The following LY96 variants were observed in gnomAD, a reference collection of about 807,000 sequenced individuals.
LY96 encodes lymphocyte antigen 96, also known as myeloid differentiation protein-2.
In LY96, 18 loss-of-function variants were observed where a neutral mutation model predicts 18.9. The observed-to-expected ratio is 0.95, with a 90% CI of 0.66 to 1.41. LY96 has a LOEUF of 1.41. Ranked by LOEUF, LY96 falls within the 40% of genes most tolerant of loss-of-function variation. The pLI is 0.00. For synonymous variants in LY96, 66 were observed against 62.6 expected (o/e 1.06, Z -0.26); for missense variants, 175 against 182.4 (o/e 0.96, Z 0.23).
intron 3 of LY96, among the ~76,000 whole-genome samples, chr8:74,018,604 A>G (rs1038671154): frequency 6.6e-6 from 1 of 152,202 alleles, no homozygotes; most frequent in African/African-American, 2.4e-5. Flanking sequence ...CTCCACCCCA[A>G]ATCAACAGAA....
chr8:74,060,086 G>A, the LY96 span, among the ~76,000 whole-genome samples: 1 of 152,224 alleles, frequency 6.6e-6, no homozygotes, highest in Admixed American at 6.5e-5. Flanking sequence ...GGCAGAGGTT[G>A]CAGTGAGCCA....
chr8:74,079,265 TGGG>T, the LY96 span, among the ~76,000 whole-genome samples: 1 of 152,248 alleles, frequency 6.6e-6, no homozygotes, highest in Non-Finnish European at 1.5e-5. Flanking sequence ...TCAGCTTTCC[TGGG>T]CCTTCAGCTT....
At chr8:74,019,960 T>A (rs2131278402) in intron 3 of LY96, among the ~76,000 whole-genome samples, 1 of 152,266 alleles carries the variant, frequency 6.6e-6, no homozygotes, top group South Asian at 2.1e-4. Context: ...CCACAGCCAA[T>A]ATCATACTGA....
chr8:74,051,934 T>C, the LY96 span, among the ~76,000 whole-genome samples: 2 of 152,182 alleles, frequency 1.3e-5, no homozygotes, highest in Non-Finnish European at 1.5e-5. Flanking sequence ...ATTCAAATTA[T>C]TGAATTTTCA....
the LY96 span, among the ~76,000 whole-genome samples, chr8:74,055,403 T>A: frequency 6.6e-6 from 1 of 152,182 alleles, no homozygotes; most frequent in African/African-American, 2.4e-5. Context: ...GCAAGTTATT[T>A]AAGCTTTTTT....
At chr8:74,053,670 T>G in the LY96 span, among the ~76,000 whole-genome samples, 6 of 152,252 alleles carry the variant, frequency 3.9e-5, no homozygotes, top group Non-Finnish European at 8.8e-5. Context: ...TGTTCAGTTG[T>G]AAGTAACACA....
At chr8:74,094,765 A>G in the LY96 span, among the ~76,000 whole-genome samples, 256 of 152,340 alleles carry the variant, frequency 1.7e-3, 3 homozygotes, top group African/African-American at 5.5e-3. Flanking sequence ...GCAATTGGTA[A>G]TTGCTAATGA....
intron 1 of LY96, among the ~76,000 whole-genome samples, chr8:73,999,619 C>A (rs1816222629): frequency 1.3e-5 from 2 of 152,162 alleles, no homozygotes; most frequent in Admixed American, 1.3e-4. Flanking sequence ...ATTTTATATC[C>A]TGCAATTTTG....
chr8:74,094,776 G>T, the LY96 span, among the ~76,000 whole-genome samples: 2 of 152,184 alleles, frequency 1.3e-5, no homozygotes, highest in Non-Finnish European at 2.9e-5. Flanking sequence ...TTGCTAATGA[G>T]TTAGAAGTTA....
the LY96 span, among the ~76,000 whole-genome samples, chr8:74,070,023 C>T: frequency 6.6e-6 from 1 of 152,136 alleles, no homozygotes; most frequent in African/African-American, 2.4e-5. Context: ...GTAGGGCTGG[C>T]TGGCTCTCCT....
At chr8:74,030,023 C>A (rs1816944155), downstream of LY96, among the ~76,000 whole-genome samples, 1 of 152,160 alleles carries the variant, frequency 6.6e-6, no homozygotes, top group South Asian at 2.1e-4. Context: ...ACTAATACAG[C>A]AGTGTTGACC....
chr8:74,076,673 C>T, the LY96 span, among the ~76,000 whole-genome samples: 1 of 151,926 alleles, frequency 6.6e-6, no homozygotes, highest in African/African-American at 2.4e-5. Flanking sequence ...GACTGGGTAT[C>T]CAATGATAGT....
intron 3 of LY96, among the ~76,000 whole-genome samples, chr8:74,024,661 G>A (rs1816831406): frequency 6.6e-6 from 1 of 152,072 alleles, no homozygotes; most frequent in South Asian, 2.1e-4. Context: ...ACCAAGTAGA[G>A]GAGCTGGGAT....
chr8:74,020,430 A>G (rs544120136), intron 3 of LY96, among the ~76,000 whole-genome samples: 8 of 152,336 alleles, frequency 5.3e-5, no homozygotes, highest in African/African-American at 1.9e-4. Flanking sequence ...GGACACAAAC[A>G]AATGGAAGAA....
At chr8:74,086,193 C>T in the LY96 span, among the ~76,000 whole-genome samples, 2 of 152,186 alleles carry the variant, frequency 1.3e-5, no homozygotes, top group African/African-American at 2.4e-5. Flanking sequence ...GTCACTCAAT[C>T]GGAGTCATTC....
the LY96 span, among the ~76,000 whole-genome samples, chr8:74,088,060 A>G: frequency 3.1e-4 from 44 of 143,514 alleles, no homozygotes; most frequent in African/African-American, 1.1e-3. Flanking sequence ...TTGTACCCGT[A>G]CTGTTTAGTA....
chr8:74,034,535 T>TAGTG, the LY96 span, among the ~76,000 whole-genome samples: 2 of 152,182 alleles, frequency 1.3e-5, no homozygotes, highest in Non-Finnish European at 2.9e-5. Flanking sequence ...TTATCATTTT[T>TAGTG]CTTCTTATTT....
At chr8:74,090,430 T>A in the LY96 span, among the ~76,000 whole-genome samples, 1 of 152,318 alleles carries the variant, frequency 6.6e-6, no homozygotes, top group East Asian at 1.9e-4. Context: ...TAAGATTAAG[T>A]TCTTATAATA....
At chr8:74,028,930 C>G in intron 4 of LY96, 26 bp from the exon 5 acceptor site, 1 of 1,365,788 alleles carries the variant, frequency 7.3e-7, no homozygotes, top group Non-Finnish European at 1.0e-6. Context: ...TTTTGTATTA[C>G]TTGTATTTCT....
Sources: allele counts gnomAD v4.1 joint callset (sites outside exome capture counted in the v4.1 genomes callset), GRCh38; gene constraint gnomAD v4.1.1; transcripts MANE v1.5; gene names NCBI Gene and HGNC (gene_info 2026-07-23, HGNC 2026-07-21).